NBR1: variants seen among roughly 807,000 people sequenced by gnomAD.
The protein encoded by NBR1 is NBR1 autophagy cargo receptor.
In NBR1, 59 loss-of-function variants were observed where a neutral mutation model predicts 115.5. The ratio of observed to expected loss-of-function variants is 0.51; its 90% CI spans 0.41 to 0.63. NBR1 has a LOEUF of 0.63. NBR1 is among the 30% of genes least tolerant of loss of function. The probability of loss-of-function intolerance (pLI) is 0.00; values close to 1 mark genes in which losing one functional copy is unlikely to be tolerated. For synonymous variants in NBR1, 373 were observed against 414.7 expected, an observed-to-expected ratio of 0.90 and a Z score of 1.22; for missense variants, 1,043 against 1,150.5, an observed-to-expected ratio of 0.91 and a Z score of 1.35.
At chr17:43,197,949 C>T (rs534021412) in intron 16 of NBR1, among the ~76,000 whole-genome samples, 4 of 151,870 alleles carry the variant, frequency 2.6e-5, no homozygotes, top group South Asian at 4.2e-4. Context: ...GTTGGGAGTT[C>T]GAGACCAGCC....
Position 43,202,601 on chromosome 17 carries a change from A to G in NBR1, c.2564-54A>G, listed in dbSNP as rs540451741. 5.0e-4 allele frequency: 663 copies of G among 1,315,540 alleles called. 7 individuals are homozygous for G. In the South Asian group the frequency reaches 8.1e-3, roughly 16 times the overall value. The allele number at this position is 1,315,540 out of a possible 1,614,324, so 81.5% of individuals were successfully genotyped here. A position where few individuals can be genotyped will look rare whatever the true frequency, so the allele number is the denominator to read the frequency against. On this transcript the variant is annotated intron_variant, in intron 18 of 20. Coordinates refer to ENST00000590996, the MANE Select transcript of NBR1 (RefSeq NM_005899.5). ...AATAATAGCCTTGCTGTGAGTTAGG[A>G]AACAGTAGGTGCTTATGGATGCTGC...
At position 43,210,160 on chromosome 17, in the gene NBR1, A is replaced by G; in HGVS notation, c.*86A>G. The G allele has an allele frequency of 7.6e-7, 1 of 1,321,642 alleles. No homozygotes were observed. The highest frequency in any genetic ancestry group is 1.5e-5 in the South Asian group (1 of 65,654). The allele number at this position is 1,321,642 out of a possible 1,614,324, so 81.9% of individuals were successfully genotyped here. A position where few individuals can be genotyped will look rare whatever the true frequency, so the allele number is the denominator to read the frequency against. On this transcript the variant is annotated 3_prime_UTR_variant, in exon 21 of 21. Coordinates refer to ENST00000590996, the MANE Select transcript of NBR1 (RefSeq NM_005899.5). ...GGGTATGGGATAGAAGCCCTTGCTT[A>G]TTTTTAATCTGATGAATCTGTATAG...
intron 9 of NBR1, among the ~76,000 whole-genome samples, 169 bp from the exon 10 acceptor site, chr17:43,191,203 A>G (rs1427159630): frequency 6.6e-6 from 1 of 152,202 alleles, no homozygotes; most frequent in Non-Finnish European, 1.5e-5. Flanking sequence ...GAAGGGAGCC[A>G]TGATTAGACC....
upstream of NBR1, chr17:43,171,011 A>C (rs758628073): frequency 6.6e-6 from 1 of 152,226 alleles, no homozygotes; most frequent in African/African-American, 2.4e-5. Flanking sequence ...GCTCTGGCCC[A>C]CATCTGCGCA....
intron 8 of NBR1, 131 bp from the exon 9 acceptor site, chr17:43,190,478 C>A: frequency 1.1e-6 from 1 of 889,544 alleles, no homozygotes; most frequent in Non-Finnish European, 1.8e-6. Context: ...TGAGGCATGG[C>A]ATAGTCAGAT....
intron 18 of NBR1, 109 bp downstream of exon 18, chr17:43,201,889 C>A: frequency 1.4e-6 from 1 of 700,970 alleles, no homozygotes; most frequent in South Asian, 1.8e-5. Context: ...TTGAAACTTG[C>A]CCTTCACAGG....
At chr17:43,184,757 T>C (rs1340912398) in intron 5 of NBR1, among the ~76,000 whole-genome samples, 1 of 152,154 alleles carries the variant, frequency 6.6e-6, no homozygotes, top group East Asian at 1.9e-4. Flanking sequence ...ATTAACCTTT[T>C]TGGAAACCTG....
intron 19 of NBR1, among the ~76,000 whole-genome samples, chr17:43,203,193 A>G (rs1275350733): frequency 1.3e-5 from 2 of 152,172 alleles, no homozygotes; most frequent in Admixed American, 1.3e-4. Context: ...ACAAGGAAAT[A>G]GTGTCCACAA....
At position 43,175,773 on chromosome 17, in the gene NBR1, C is replaced by T. The variant is rs1254233607; in HGVS notation, c.-9-18C>T. 8.1e-7 allele frequency: 1 copy of T among 1,240,032 alleles called. No individual in the cohort carries two copies. Among genetic ancestry groups the T allele is most frequent in the Non-Finnish European group, 1.2e-6 (1 of 862,196 alleles). The allele number at this position is 1,240,032 out of a possible 1,614,324, so 76.8% of individuals were successfully genotyped here. A position where few individuals can be genotyped will look rare whatever the true frequency, so the allele number is the denominator to read the frequency against. On this transcript the variant is annotated intron_variant, in intron 1 of 20. Transcript: ENST00000590996. ...TAATGTGTTTTTCTCTCTCTCCCAC[C>T]AACCTTCTCAACCCTAGCCTCACAG...
At chr17:43,188,735 G>C (rs1183546666) in intron 6 of NBR1, among the ~76,000 whole-genome samples, 1 of 152,128 alleles carries the variant, frequency 6.6e-6, no homozygotes, top group Admixed American at 6.6e-5. Context: ...CCCATTGCCT[G>C]TTTCAGTCTA....
intron 5 of NBR1, among the ~76,000 whole-genome samples, chr17:43,181,635 C>G (rs538598188): frequency 1.1e-4 from 17 of 152,102 alleles, no homozygotes; most frequent in African/African-American, 4.1e-4. Flanking sequence ...CACTGCACTC[C>G]AGCCTGGGCG....
At chr17:43,203,570 C>T in intron 19 of NBR1, 111 bp from the exon 20 acceptor site, 1 of 632,494 alleles carries the variant, frequency 1.6e-6, no homozygotes, top group South Asian at 2.1e-5. Context: ...CTTTTTCCAT[C>T]TAATTTTTTC....
chr17:43,177,948 T>C lies in NBR1; in HGVS notation c.115T>C (p.Phe39Leu), dbSNP rs199583278. 9.1e-4 allele frequency: 1,412 copies of C among 1,546,732 alleles called. 2 individuals are homozygous for C. Among genetic ancestry groups the C allele is most frequent in the South Asian group, 1.4e-3 (123 of 87,670 alleles). Residue 39 changes from phenylalanine (F) to leucine (L), a missense_variant, in exon 3 of 21, where the codon TTT becomes CTT. Transcript: ENST00000590996. ...ATCTCTTTTATAGGTAAAAGTTTCA[T>C]TTGATCTGAATACTATTCAAATAAA... ...ADIEAMVKVS[F>L]DLNTIQIKYL...
rs2056499537 is a variant in NBR1 at position 43,175,776 on chromosome 17, CCTT to C, written c.-9-12_-9-10del. ...TGTGTTTTTCTCTCTCTCCCACCAACCTTCTCAACCCTAGCCTCACAGCATGGA... is the reference window on the plus strand; with the variant it reads ...TGTGTTTTTCTCTCTCTCCCACCAACCTCAACCCTAGCCTCACAGCATGGA... On this transcript the variant is annotated splice_polypyrimidine_tract_variant and intron_variant, in intron 1 of 20. Coordinates refer to ENST00000590996, the MANE Select transcript of NBR1 (RefSeq NM_005899.5). The C allele has an allele frequency of 7.8e-7, 1 of 1,286,440 alleles. No individual in the cohort carries two copies. Among genetic ancestry groups the C allele is most frequent in the East Asian group, 2.4e-5 (1 of 42,472 alleles). 79.7% of individuals were successfully genotyped at this position (1,286,440 alleles called of 1,614,324 possible).
At chr17:43,200,632 T>C (rs777087061) in intron 17 of NBR1, 24 bp downstream of exon 17, 5 of 1,564,806 alleles carry the variant, frequency 3.2e-6, no homozygotes, top group Non-Finnish European at 4.3e-6. Flanking sequence ...CCCCCTCAGC[T>C]GGGGTGTTCT....
chr17:43,194,348 A>G lies in NBR1; in HGVS notation c.1525-2A>G, dbSNP rs1429185868. The stretch of plus-strand genomic sequence containing the variant: ...ATTTGTCTCAATGGTTTGTCTCTAT[A>G]GGAAACTTTTCTTCTGGCTAAAGAA... On this transcript the variant is annotated splice_acceptor_variant, in intron 12 of 20. Transcript: ENST00000590996. LOFTEE classifies it high-confidence loss of function. 1.2e-6 allele frequency: 2 copies of G among 1,612,402 alleles called. No individual in the cohort carries two copies. The highest frequency in any genetic ancestry group is 1.7e-5 in the Admixed American group (1 of 59,732).
chr17:43,203,906 G>A (rs1468663206), intron 20 of NBR1, 120 bp downstream of exon 20: 1 of 486,748 alleles, frequency 2.1e-6, no homozygotes, highest in Admixed American at 3.6e-5. Context: ...TTTAGATTTA[G>A]TCTTTAGTTA....
At chr17:43,209,727 C>T (rs2057382118) in intron 20 of NBR1, 174 bp from the exon 21 acceptor site, 11 of 1,526,816 alleles carry the variant, frequency 7.2e-6, no homozygotes, top group South Asian at 2.4e-5. Flanking sequence ...CTTCCCAGTC[C>T]GAACCGTTGG....
chr17:43,203,399 C>A (rs2057245695), intron 19 of NBR1, among the ~76,000 whole-genome samples: 1 of 152,144 alleles, frequency 6.6e-6, no homozygotes, highest in South Asian at 2.1e-4. Flanking sequence ...CCTTGTGTGT[C>A]CTCGATCACA....
Sources: allele counts gnomAD v4.1 joint callset (sites outside exome capture counted in the v4.1 genomes callset), GRCh38; gene constraint gnomAD v4.1.1; transcripts MANE v1.5; gene names NCBI Gene and HGNC (gene_info 2026-07-23, HGNC 2026-07-21).